CSMD1: variants seen among roughly 807,000 people sequenced by gnomAD.
CSMD1 encodes CUB and Sushi multiple domains 1.
In CSMD1, 213 loss-of-function variants were observed where a neutral mutation model predicts 417.5. The observed-to-expected ratio is 0.51, with a 90% CI of 0.46 to 0.57. CSMD1 has a LOEUF of 0.57. CSMD1 is among the 20% of genes least tolerant of loss of function. The pLI, the probability that CSMD1 is intolerant of heterozygous loss-of-function variation, is 0.00. For synonymous variants in CSMD1, 2,862 were observed against 1,736.8 expected (o/e 1.65, Z -16.11); for missense variants, 6,923 against 4,529.7 (o/e 1.53, Z -15.17).
At chr8:4,354,176 C>T (rs1233963969) in intron 3 of CSMD1, among the ~76,000 whole-genome samples, 1 of 152,136 alleles carries the variant, frequency 6.6e-6, no homozygotes, top group Non-Finnish European at 1.5e-5. Context: ...TATTCCCAAA[C>T]AACATGTCCA....
At chr8:3,289,376 G>C (rs886704119) in intron 25 of CSMD1, among the ~76,000 whole-genome samples, 4 of 147,214 alleles carry the variant, frequency 2.7e-5, no homozygotes, top group African/African-American at 5.4e-5. Context: ...GGTATTTCTA[G>C]TTCTAGATCC....
intron 4 of CSMD1, among the ~76,000 whole-genome samples, chr8:4,019,448 TCCCTTATTAGGG>T (rs766317737): frequency 1.8e-4 from 4 of 21,754 alleles, no homozygotes; most frequent in African/African-American, 5.2e-4. Flanking sequence ...AAGGGAACAT[TCCCTTATTAGGG>T]CCCTTATTAG....
chr8:3,813,291 T>C (rs1015037783), intron 5 of CSMD1, among the ~76,000 whole-genome samples: 3 of 152,168 alleles, frequency 2.0e-5, no homozygotes, highest in African/African-American at 7.2e-5. Context: ...CATTTAATTG[T>C]ATAACCTTTA....
intron 3 of CSMD1, among the ~76,000 whole-genome samples, chr8:4,145,759 C>G (rs1350385227): frequency 1.3e-5 from 2 of 151,086 alleles, no homozygotes; most frequent in African/African-American, 2.5e-5. Flanking sequence ...CACTGATTCC[C>G]TGCAGGTTCT....
chr8:3,563,273 C>T (rs559095384), intron 10 of CSMD1, among the ~76,000 whole-genome samples: 1 of 151,904 alleles, frequency 6.6e-6, no homozygotes, highest in South Asian at 2.1e-4. Context: ...TTCTCACACT[C>T]CTTCCCAGTT....
intron 1 of CSMD1, among the ~76,000 whole-genome samples, chr8:4,902,164 T>G (rs1420870301): frequency 1.3e-5 from 2 of 152,074 alleles, no homozygotes; most frequent in Non-Finnish European, 1.5e-5. Flanking sequence ...CAACCCAGCT[T>G]TTTGGGAGAA....
In CSMD1 at chr8:3,457,717, A is replaced by G. The variant is rs113864801; in HGVS notation, c.1561+10995T>C. On this transcript the variant is annotated intron_variant, in intron 12 of 69. Transcript: ENST00000635120. ...TTGAGATCATAAAAACTCGTAAAGGAAACAGAAATACCAAAGAAAAATAAT... is the reference window on the plus strand; with the variant it reads ...TTGAGATCATAAAAACTCGTAAAGGGAACAGAAATACCAAAGAAAAATAAT... 3.4e-3 allele frequency among the ~76,000 whole-genome samples: 520 copies of G among 152,348 alleles called. 4 individuals carry two copies. The highest frequency in any genetic ancestry group is 0.012 in the African/African-American group (499 of 41,588).
chr8:4,330,922 G>A (rs1305033337), intron 3 of CSMD1, among the ~76,000 whole-genome samples: 4 of 152,022 alleles, frequency 2.6e-5, no homozygotes, highest in East Asian at 3.9e-4. Flanking sequence ...ACCCTACATT[G>A]GATTCACTTT....
chr8:3,350,206 TA>T (rs1585037761), intron 21 of CSMD1, among the ~76,000 whole-genome samples: 1 of 132,584 alleles, frequency 7.5e-6, no homozygotes, highest in East Asian at 2.2e-4. Context: ...ATGTGTGTGT[TA>T]TAATACCTAT....
intron 5 of CSMD1, among the ~76,000 whole-genome samples, chr8:3,962,554 G>T (rs372162154): frequency 6.6e-6 from 1 of 152,108 alleles, no homozygotes; most frequent in Non-Finnish European, 1.5e-5. Context: ...AAGTGTAGGG[G>T]TCATGATTTC....
chr8:3,921,309 A>G (rs903539068), intron 5 of CSMD1, among the ~76,000 whole-genome samples: 4 of 152,038 alleles, frequency 2.6e-5, no homozygotes, highest in Non-Finnish European at 5.9e-5. Flanking sequence ...TCTACTTAGC[A>G]TAAGAGTTTA....
At chr8:4,551,503 G>C (rs751337625) in intron 2 of CSMD1, among the ~76,000 whole-genome samples, 17 of 152,084 alleles carry the variant, frequency 1.1e-4, no homozygotes, top group Non-Finnish European at 2.1e-4. Context: ...AAAACAACTT[G>C]AAATTGAATG....
intron 6 of CSMD1, among the ~76,000 whole-genome samples, chr8:3,709,408 T>C (rs375443337): frequency 6.6e-6 from 1 of 152,098 alleles, no homozygotes; most frequent in Non-Finnish European, 1.5e-5. Context: ...TGACTCTATG[T>C]GTAAATAGCT....
At chr8:3,600,172 G>A (rs895405951) in intron 8 of CSMD1, among the ~76,000 whole-genome samples, 1 of 152,162 alleles carries the variant, frequency 6.6e-6, no homozygotes, top group Non-Finnish European at 1.5e-5. Flanking sequence ...GCTGAAAACT[G>A]ACAAACCATT....
chr8:3,962,554 G>A (rs372162154), intron 5 of CSMD1, among the ~76,000 whole-genome samples: 1 of 152,108 alleles, frequency 6.6e-6, no homozygotes, highest in Non-Finnish European at 1.5e-5. Flanking sequence ...AAGTGTAGGG[G>A]TCATGATTTC....
intron 3 of CSMD1, among the ~76,000 whole-genome samples, chr8:4,363,261 A>ACC (rs1801878385): frequency 6.6e-6 from 1 of 151,876 alleles, no homozygotes; most frequent in South Asian, 2.1e-4. Context: ...TTCCATTATC[A>ACC]CCCCTTAAAG....
intron 10 of CSMD1, among the ~76,000 whole-genome samples, chr8:3,500,874 C>T (rs886609854): frequency 1.3e-5 from 2 of 152,082 alleles, no homozygotes; most frequent in Non-Finnish European, 2.9e-5. Context: ...GGTATCTTAA[C>T]TAACATGGAT....
intron 3 of CSMD1, among the ~76,000 whole-genome samples, chr8:4,120,962 T>C (rs1003267731): frequency 1.3e-5 from 2 of 152,182 alleles, no homozygotes; most frequent in African/African-American, 2.4e-5. Flanking sequence ...TTTTCTTACA[T>C]GGTCATGGAC....
In CSMD1 at chr8:4,082,108, G is replaced by C. The variant is rs561453077; in HGVS notation, c.416-50009C>G. Among the ~76,000 whole-genome samples, 19 of 152,174 alleles carry C rather than the reference G, an allele frequency of 1.2e-4. No individual in the cohort carries two copies. In the East Asian group the frequency reaches 1.4e-3, roughly 11 times the overall value. The stretch of plus-strand genomic sequence containing the variant: ...CTGAGACTTATCAAGAAAAAGAAGA[G>C]ATATGTATTAACTACATTAGGAATA... On this transcript the variant is annotated intron_variant, in intron 3 of 69. Coordinates refer to ENST00000635120, the MANE Select transcript of CSMD1 (RefSeq NM_033225.6).
Sources: allele counts gnomAD v4.1 joint callset (sites outside exome capture counted in the v4.1 genomes callset), GRCh38; gene constraint gnomAD v4.1.1; transcripts MANE v1.5; gene names NCBI Gene and HGNC (gene_info 2026-07-23, HGNC 2026-07-21).